TMEM232: variants seen among roughly 807,000 people sequenced by gnomAD.
TMEM232 encodes transmembrane protein 232.
Under a neutral mutation model 78.8 loss-of-function variants are expected in TMEM232, and 80 were observed. The ratio of observed to expected loss-of-function variants is 1.01; its 90% CI spans 0.85 to 1.22. TMEM232 has a LOEUF of 1.22. TMEM232 is among the 50% of genes most tolerant of loss of function. The probability of loss-of-function intolerance (pLI) is 0.00; values close to 1 mark genes in which losing one functional copy is unlikely to be tolerated. For missense variants in TMEM232, 881 were observed against 742.2 expected, an observed-to-expected ratio of 1.19 and a Z score of -2.17; for synonymous variants, 297 against 254.3, an observed-to-expected ratio of 1.17 and a Z score of -1.60.
At chr5:110,577,603 A>G (rs192181238) in intron 10 of TMEM232, among the ~76,000 whole-genome samples, 94 of 152,264 alleles carry the variant, frequency 6.2e-4, no homozygotes, top group Non-Finnish European at 1.1e-3. Flanking sequence ...TCACAGCAGC[A>G]AAGACATAGA....
intron 12 of TMEM232, among the ~76,000 whole-genome samples, chr5:110,504,549 T>C (rs1286331977): frequency 6.6e-6 from 1 of 152,166 alleles, no homozygotes; most frequent in East Asian, 1.9e-4. Context: ...AGATCTGCAG[T>C]TGGCAAGCTA....
At chr5:110,439,549 AG>A (rs1758802536) in intron 12 of TMEM232, among the ~76,000 whole-genome samples, 1 of 151,856 alleles carries the variant, frequency 6.6e-6, no homozygotes. Flanking sequence ...TCCCATCCCA[AG>A]GGGCTCTGTC....
At chr5:110,424,714 CTTTT>C in intron 13 of TMEM232, 105 bp downstream of exon 13, 1 of 872,488 alleles carries the variant, frequency 1.1e-6, no homozygotes, top group East Asian at 2.7e-5. Flanking sequence ...CATGGCTCTA[CTTTT>C]AAATTTCACA....
At chr5:110,597,465 T>TC (rs1240632446) in intron 10 of TMEM232, among the ~76,000 whole-genome samples, 1 of 152,014 alleles carries the variant, frequency 6.6e-6, no homozygotes, top group Non-Finnish European at 1.5e-5. Flanking sequence ...TTCAATGCCA[T>TC]CCCCATCAAG....
chr5:110,443,109 C>T (rs552344361), intron 12 of TMEM232, among the ~76,000 whole-genome samples: 1 of 152,196 alleles, frequency 6.6e-6, no homozygotes, highest in East Asian at 1.9e-4. Flanking sequence ...CATTCAAGGC[C>T]GTGGGGCTCT....
intron 6 of TMEM232, 59 bp downstream of exon 6, chr5:110,627,722 T>C: frequency 8.4e-7 from 1 of 1,185,822 alleles, no homozygotes; most frequent in East Asian, 2.7e-5. Context: ...AGTGACAGTC[T>C]GAGCTTATCA....
chr5:110,527,412 A>T (rs906157483), intron 12 of TMEM232, among the ~76,000 whole-genome samples: 1 of 151,958 alleles, frequency 6.6e-6, no homozygotes, highest in African/African-American at 2.4e-5. Context: ...TACCTTAGTC[A>T]AGTGAAAAAT....
chr5:110,687,221 T>C (rs967313471), intron 1 of TMEM232, among the ~76,000 whole-genome samples: 2 of 152,134 alleles, frequency 1.3e-5, no homozygotes, highest in African/African-American at 4.8e-5. Context: ...GTATAGCTAA[T>C]CAACACTTTA....
At chr5:110,451,865 C>T (rs1048168347) in intron 12 of TMEM232, among the ~76,000 whole-genome samples, 1 of 151,776 alleles carries the variant, frequency 6.6e-6, no homozygotes, top group Non-Finnish European at 1.5e-5. Context: ...AGTATGATAT[C>T]TTTTTTAAAT....
chr5:110,674,177 T>C (rs552529649), intron 1 of TMEM232, among the ~76,000 whole-genome samples: 2 of 152,258 alleles, frequency 1.3e-5, no homozygotes, highest in South Asian at 2.1e-4. Context: ...AAAGTAAAAA[T>C]TCATCATTTT....
At chr5:110,715,835 T>TA (rs1416279833) in intron 1 of TMEM232, among the ~76,000 whole-genome samples, 1 of 152,134 alleles carries the variant, frequency 6.6e-6, no homozygotes, top group Non-Finnish European at 1.5e-5. Context: ...TGATAAGAAA[T>TA]ATTTACAATC....
intron 1 of TMEM232, among the ~76,000 whole-genome samples, chr5:110,676,720 G>C (rs1792070162): frequency 6.7e-6 from 1 of 149,284 alleles, no homozygotes; most frequent in Non-Finnish European, 1.5e-5. Context: ...CACCATGCCG[G>C]ACCCTTCATC....
rs530870874 is a variant in TMEM232 at position 110,397,278 on chromosome 5, G to GA, written n.390+494dup. ...GTTTAAAATTTAAATGTTATACCAT[G>GA]AAAAACATGTATAACATACTTCTTA... On this transcript the variant is annotated intron_variant and non_coding_transcript_variant, in intron 3 of 8. Transcript: ENST00000507188. 7.2e-5 allele frequency among the ~76,000 whole-genome samples: 11 copies of GA among 152,182 alleles called. No individual in the cohort carries two copies. The East Asian group carries it at 2.1e-3, about 29-fold the overall frequency.
chr5:110,523,175 T>C lies in TMEM232; in HGVS notation c.1703+5413A>G, dbSNP rs186710358. 2.3e-3 allele frequency among the ~76,000 whole-genome samples: 355 copies of C among 152,306 alleles called. 1 individual carries two copies. The highest frequency in any genetic ancestry group is 4.4e-3 in the Admixed American group (67 of 15,304). On this transcript the variant is annotated intron_variant, in intron 12 of 13. Coordinates refer to ENST00000455884, the MANE Select transcript of TMEM232 (RefSeq NM_001039763.4). ...GGAATGTATCCATTTCTTCTGGGTT[T>C]TCCAGTTTATTGGCATGTAATTGTT...
intron 3 of TMEM232, among the ~76,000 whole-genome samples, chr5:110,390,848 A>C (rs1368915195): frequency 6.6e-6 from 1 of 152,258 alleles, no homozygotes; most frequent in Non-Finnish European, 1.5e-5. Flanking sequence ...TGACTAAAGC[A>C]GAGAACGTGT....
chr5:110,455,274 G>T (rs28850407), intron 12 of TMEM232, among the ~76,000 whole-genome samples: 2 of 151,878 alleles, frequency 1.3e-5, no homozygotes, highest in African/African-American at 2.4e-5. Context: ...GTAACATTTC[G>T]CAATTCATCT....
chr5:110,529,545 C>G (rs1771121874), intron 11 of TMEM232, among the ~76,000 whole-genome samples: 1 of 151,938 alleles, frequency 6.6e-6, no homozygotes, highest in African/African-American at 2.4e-5. Flanking sequence ...CCATGCCCGG[C>G]CAAACAGAAC....
At chr5:110,679,534 G>A (rs1165470786) in intron 1 of TMEM232, among the ~76,000 whole-genome samples, 2 of 151,986 alleles carry the variant, frequency 1.3e-5, no homozygotes, top group Non-Finnish European at 2.9e-5. Flanking sequence ...TAATGAAGTC[G>A]ACCTTATCAA....
chr5:110,456,468 T>G (rs1331099393), intron 12 of TMEM232, among the ~76,000 whole-genome samples: 1 of 152,154 alleles, frequency 6.6e-6, no homozygotes, highest in African/African-American at 2.4e-5. Flanking sequence ...ATGTCAATAC[T>G]TTTTAAACTA....
Sources: allele counts gnomAD v4.1 joint callset (sites outside exome capture counted in the v4.1 genomes callset), GRCh38; gene constraint gnomAD v4.1.1; transcripts MANE v1.5; gene names NCBI Gene and HGNC (gene_info 2026-07-23, HGNC 2026-07-21).